MYOM1: variants seen among roughly 807,000 people sequenced by gnomAD.
The protein encoded by MYOM1 is myomesin-1.
A neutral mutation model predicts 205.3 loss-of-function variants in MYOM1; 164 were observed. The ratio of observed to expected loss-of-function variants is 0.80; its 90% CI spans 0.70 to 0.91. MYOM1 has a LOEUF of 0.91. MYOM1 is among the 40% of genes least tolerant of loss of function. The probability of loss-of-function intolerance (pLI) is 0.00; values close to 1 mark genes in which losing one functional copy is unlikely to be tolerated. For synonymous variants in MYOM1, 772 were observed against 789.4 expected, an observed-to-expected ratio of 0.98 and a Z score of 0.37; for missense variants, 2,011 against 2,127.3, an observed-to-expected ratio of 0.95 and a Z score of 1.08.
At chr18:3,147,409 A>G (rs2080145073) in intron 13 of MYOM1, among the ~76,000 whole-genome samples, 1 of 152,064 alleles carries the variant, frequency 6.6e-6, no homozygotes, top group Non-Finnish European at 1.5e-5. Flanking sequence ...GGCTATGTTC[A>G]TAAATCAAAG....
intron 5 of MYOM1, among the ~76,000 whole-genome samples, chr18:3,177,445 C>CATTATTATT (rs138933689): frequency 0.072 from 10,067 of 139,110 alleles, 449 homozygotes; most frequent in East Asian, 0.16. Context: ...GAAGCAATAT[C>CATTATTATT]ATTATTATTA....
intron 36 of MYOM1, among the ~76,000 whole-genome samples, chr18:3,073,195 T>C (rs2078981688): frequency 6.6e-6 from 1 of 152,110 alleles, no homozygotes; most frequent in African/African-American, 2.4e-5. Context: ...CAGGCCACTG[T>C]CTATGGCTAG....
intron 2 of MYOM1, among the ~76,000 whole-genome samples, chr18:3,207,757 G>C (rs2081142406): frequency 6.6e-6 from 1 of 152,144 alleles, no homozygotes; most frequent in African/African-American, 2.4e-5. Context: ...AGCCCAGGGA[G>C]GTAGCAGCTT....
chr18:3,099,551 C>G (rs147231793), intron 25 of MYOM1, among the ~76,000 whole-genome samples: 3 of 152,184 alleles, frequency 2.0e-5, no homozygotes, highest in African/African-American at 7.2e-5. Context: ...CCCCATCTGG[C>G]CAGTGGAACC....
At chr18:3,223,834 G>A (rs2081341422), upstream of MYOM1, among the ~76,000 whole-genome samples, 1 of 152,100 alleles carries the variant, frequency 6.6e-6, no homozygotes, top group South Asian at 2.1e-4. Flanking sequence ...AAATAACCCA[G>A]AAAGGTATTT....
chr18:3,178,639 T>C lies in MYOM1; in HGVS notation c.930-2505A>G, dbSNP rs565327149. Among the ~76,000 whole-genome samples the C allele has an allele frequency of 8.2e-4, 125 of 152,086 alleles. 2 individuals are homozygous for C. Among genetic ancestry groups the C allele is most frequent in the South Asian group, 5.6e-3 (27 of 4,812 alleles). ...TTCTACACTTAAAACAAACAAACAC[T>C]CTCCTCCATATAACAGAACCCGAAC... On this transcript the variant is annotated intron_variant, in intron 5 of 37. Transcript: ENST00000356443.
chr18:3,183,753 T>C (rs2080772711), intron 5 of MYOM1, among the ~76,000 whole-genome samples: 1 of 152,198 alleles, frequency 6.6e-6, no homozygotes, highest in African/African-American at 2.4e-5. Context: ...CAAAAAGGTA[T>C]AAATGCCAGC....
intron 13 of MYOM1, among the ~76,000 whole-genome samples, chr18:3,148,576 G>A (rs1039764289): frequency 2.0e-5 from 3 of 151,852 alleles, no homozygotes; most frequent in East Asian, 1.9e-4. Flanking sequence ...GGCCGGGCGC[G>A]GTGGCTCACG....
intron 10 of MYOM1, among the ~76,000 whole-genome samples, chr18:3,155,480 T>C (rs1216934369): frequency 5.9e-5 from 9 of 152,188 alleles, no homozygotes; most frequent in Admixed American, 1.3e-4. Flanking sequence ...CGCCTCGGCC[T>C]CCCAAAGTGC....
At chr18:3,084,938 A>T in intron 31 of MYOM1, 107 bp downstream of exon 31, 1 of 859,638 alleles carries the variant, frequency 1.2e-6, no homozygotes, top group Non-Finnish European at 1.8e-6. Context: ...AAATCTGTGG[A>T]CAAAAAAAAT....
At chr18:3,148,843 C>CAAAAAAA (rs1477390673) in intron 13 of MYOM1, among the ~76,000 whole-genome samples, 1 of 42,260 alleles carries the variant, frequency 2.4e-5, no homozygotes, top group African/African-American at 1.1e-4. Flanking sequence ...GAGACTCCAT[C>CAAAAAAA]CAAAAAAAAA....
At chr18:3,142,625 A>G (rs1453814220) in intron 13 of MYOM1, among the ~76,000 whole-genome samples, 1 of 152,008 alleles carries the variant, frequency 6.6e-6, no homozygotes, top group African/African-American at 2.4e-5. Context: ...TCTTATCTTT[A>G]AATAGTTCTG....
intron 5 of MYOM1, among the ~76,000 whole-genome samples, chr18:3,182,913 C>CTTTTTTTTTTTTTTTT (rs549386891): frequency 1.1e-5 from 1 of 92,300 alleles, no homozygotes; most frequent in Non-Finnish European, 2.3e-5. Flanking sequence ...TTTCTTTCTT[C>CTTTTTTTTTTTTTTTT]TTTTTTTTTT....
Position 3,120,094 on chromosome 18 carries a change from C to T in MYOM1, c.2992-99G>A, listed in dbSNP as rs146103863. The T allele has an allele frequency of 1.7e-4, 239 of 1,445,922 alleles. No individual in the cohort carries two copies. In the African/African-American group the frequency reaches 2.9e-3, roughly 18 times the overall value. 89.6% of individuals were successfully genotyped at this position (1,445,922 alleles called of 1,614,324 possible). A position where few individuals can be genotyped will look rare whatever the true frequency, so the allele number is the denominator to read the frequency against. Reference sequence around the variant, plus strand: ...ATTTATTTACCTTCCATGTCAGACACACCCTAGGGTGACCCTCAATGAGTC... The same window carrying T: ...ATTTATTTACCTTCCATGTCAGACATACCCTAGGGTGACCCTCAATGAGTC... On this transcript the variant is annotated intron_variant, in intron 19 of 37. Transcript: ENST00000356443.
intron 23 of MYOM1, among the ~76,000 whole-genome samples, chr18:3,100,804 C>A (rs2079365315): frequency 6.6e-6 from 1 of 152,198 alleles, no homozygotes; most frequent in Non-Finnish European, 1.5e-5. Context: ...CTCTCCTATG[C>A]CATCTCCTGC....
At chr18:3,141,499 A>T (rs535648153) in intron 14 of MYOM1, among the ~76,000 whole-genome samples, 1 of 152,314 alleles carries the variant, frequency 6.6e-6, no homozygotes, top group African/African-American at 2.4e-5. Context: ...CGGCCATTTG[A>T]GAGTATTGCC....
At chr18:3,155,454 G>C (rs1567939021) in intron 10 of MYOM1, among the ~76,000 whole-genome samples, 1 of 152,196 alleles carries the variant, frequency 6.6e-6, no homozygotes, top group South Asian at 2.1e-4. Context: ...TTGATCTCCT[G>C]ACCTTGTGAT....
At chr18:3,240,308 T>C in the MYOM1 span, among the ~76,000 whole-genome samples, 3 of 152,214 alleles carry the variant, frequency 2.0e-5, no homozygotes, top group African/African-American at 7.2e-5. Context: ...GGTTTGGCTG[T>C]GTCCCCACCC....
At chr18:3,172,724 T>G (rs111636986) in intron 8 of MYOM1, among the ~76,000 whole-genome samples, 2,487 of 152,262 alleles carry the variant, frequency 0.016, 51 homozygotes, top group African/African-American at 0.054. Flanking sequence ...TGCACCAGGC[T>G]GGTCTCGAAC....
Sources: gnomAD v4.1 joint callset for allele counts (sites outside exome capture counted in the v4.1 genomes callset) on GRCh38, gnomAD v4.1.1 for gene constraint, MANE v1.5 for transcripts, NCBI Gene and HGNC (gene_info 2026-07-23, HGNC 2026-07-21) for gene names.